Variants in MOB1B observed in about 807,000 individuals in gnomAD.
MOB1B encodes MOB1 Mps One Binder homolog B.
In MOB1B, 19 loss-of-function variants were observed where a neutral mutation model predicts 24.4. The ratio of observed to expected loss-of-function variants is 0.78; its 90% confidence interval spans 0.54 to 1.14. The LOEUF is 1.14. MOB1B is among the 50% of genes most tolerant of loss of function. MOB1B has a pLI of 0.00. For missense variants in MOB1B, 243 were observed against 259.6 expected (o/e 0.94, Z 0.44); for synonymous variants, 76 against 82.1 (o/e 0.93, Z 0.40).
At chr4:70,957,616 T>G (rs1560655115) in intron 1 of MOB1B, among the ~76,000 whole-genome samples, 1 of 151,982 alleles carries the variant, frequency 6.6e-6, no homozygotes, top group Non-Finnish European at 1.5e-5. Flanking sequence ...TTTTTAAACA[T>G]TTTTTTAGAG....
At chr4:70,937,514 C>G (rs1398969142) in intron 1 of MOB1B, among the ~76,000 whole-genome samples, 1 of 149,702 alleles carries the variant, frequency 6.7e-6, no homozygotes, top group African/African-American at 2.5e-5. Context: ...CGTTTCCCAT[C>G]TGTTTTTTTT....
intron 1 of MOB1B, among the ~76,000 whole-genome samples, chr4:70,917,336 T>C (rs886715610): frequency 1.3e-5 from 2 of 152,340 alleles, no homozygotes; most frequent in Admixed American, 6.5e-5. Context: ...AACAGACTCC[T>C]TTTCCATTAT....
intron 1 of MOB1B, among the ~76,000 whole-genome samples, chr4:70,957,311 C>CT (rs1560654938): frequency 6.7e-6 from 1 of 149,140 alleles, no homozygotes; most frequent in South Asian, 2.1e-4. Flanking sequence ...TCTCCAGCCT[C>CT]TTTTTTTCCA....
At chr4:70,910,515 A>G (rs1735938302) in intron 1 of MOB1B, among the ~76,000 whole-genome samples, 1 of 151,732 alleles carries the variant, frequency 6.6e-6, no homozygotes, top group Admixed American at 6.6e-5. Context: ...GGGCCTTGTT[A>G]TTAAGGGAAG....
intron 1 of MOB1B, among the ~76,000 whole-genome samples, chr4:70,928,820 T>G (rs974770732): frequency 1.3e-5 from 2 of 152,216 alleles, no homozygotes; most frequent in Admixed American, 6.5e-5. Flanking sequence ...ACTCCTAGGT[T>G]CAAGTGATCC....
intron 1 of MOB1B, among the ~76,000 whole-genome samples, chr4:70,903,159 GC>G (rs1360327955): frequency 6.6e-6 from 1 of 152,124 alleles, no homozygotes; most frequent in African/African-American, 2.4e-5. Context: ...GTCTGGAGCC[GC>G]CCCCTTGCTT....
Position 70,975,206 on chromosome 4 carries a change from C to G in MOB1B, c.329C>G (p.Ser110Cys). The part of the protein sequence containing the change: ...GTNIKKPIKC[S>C]APKYIDYLMT... Reference sequence around the variant, plus strand: ...AACATAAAGAAACCTATTAAGTGCTCTGCACCAAAGTATATTGATTACTTG... The same window carrying G: ...AACATAAAGAAACCTATTAAGTGCTGTGCACCAAAGTATATTGATTACTTG... Residue 110 changes from serine to cysteine, a missense_variant, in exon 4 of 6, where the codon TCT becomes TGT. Transcript: ENST00000309395. The G allele has an allele frequency of 6.2e-7, 1 of 1,613,162 alleles. No homozygotes were observed. The highest frequency in any genetic ancestry group is 8.5e-7 in the Non-Finnish European group (1 of 1,179,530).
chr4:70,964,223 A>G (rs529650504), intron 2 of MOB1B, among the ~76,000 whole-genome samples: 66 of 152,350 alleles, frequency 4.3e-4, no homozygotes, highest in African/African-American at 1.6e-3. Context: ...GTGCAGAAGA[A>G]AAAATTGGTA....
intron 1 of MOB1B, among the ~76,000 whole-genome samples, chr4:70,957,717 TA>T (rs1172520411): frequency 6.6e-6 from 1 of 151,732 alleles, no homozygotes; most frequent in Non-Finnish European, 1.5e-5. Flanking sequence ...TAGCTGGGAT[TA>T]CCAGTGTAAG....
intron 2 of MOB1B, among the ~76,000 whole-genome samples, chr4:70,967,318 G>T (rs1208742094): frequency 6.6e-6 from 1 of 152,088 alleles, no homozygotes; most frequent in Non-Finnish European, 1.5e-5. Context: ...TATTTCAGTA[G>T]ACATAGGGTT....
At chr4:70,924,435 C>G (rs1175232004) in intron 1 of MOB1B, among the ~76,000 whole-genome samples, 4 of 152,164 alleles carry the variant, frequency 2.6e-5, no homozygotes, top group African/African-American at 9.7e-5. Context: ...GCCCTTTAAT[C>G]TTCATCAGTG....
intron 2 of MOB1B, among the ~76,000 whole-genome samples, chr4:70,965,796 CAAAAAAAAAAAAAAAA>C (rs71211986): frequency 3.5e-5 from 1 of 28,704 alleles, no homozygotes; most frequent in Non-Finnish European, 8.8e-5. Context: ...GACTCCGTCT[CAAAAAAAAAAAAAAAA>C]AAAAAAAAAA....
intron 3 of MOB1B, among the ~76,000 whole-genome samples, chr4:70,973,915 C>T (rs1436707604): frequency 5.3e-5 from 8 of 152,156 alleles, no homozygotes; most frequent in African/African-American, 1.9e-4. Context: ...GTTTAAAATA[C>T]CCTATAGTAT....
At chr4:70,940,215 A>C (rs1023111870) in intron 1 of MOB1B, among the ~76,000 whole-genome samples, 1 of 151,978 alleles carries the variant, frequency 6.6e-6, no homozygotes, top group Non-Finnish European at 1.5e-5. Context: ...GGTGGTCTTG[A>C]GAAATGCAGC....
intron 1 of MOB1B, among the ~76,000 whole-genome samples, chr4:70,925,236 C>T (rs889758023): frequency 6.6e-6 from 1 of 152,074 alleles, no homozygotes; most frequent in Non-Finnish European, 1.5e-5. Flanking sequence ...GGGGTTTCAC[C>T]ATATTGGCCA....
intron 1 of MOB1B, among the ~76,000 whole-genome samples, chr4:70,913,238 T>C (rs770714131): frequency 1.3e-5 from 2 of 152,112 alleles, no homozygotes; most frequent in Non-Finnish European, 2.9e-5. Context: ...ATGTTTTTCT[T>C]TTCTTATGTA....
chr4:70,906,778 AC>A (rs1466643384), intron 1 of MOB1B, among the ~76,000 whole-genome samples: 1 of 152,180 alleles, frequency 6.6e-6, no homozygotes, highest in Non-Finnish European at 1.5e-5. Flanking sequence ...CATGGTAGAT[AC>A]GGAAACTTCA....
intron 1 of MOB1B, among the ~76,000 whole-genome samples, chr4:70,951,027 A>G (rs982594461): frequency 6.6e-6 from 1 of 152,212 alleles, no homozygotes; most frequent in Non-Finnish European, 1.5e-5. Context: ...GTTGGCACAA[A>G]TACATGATTT....
intron 4 of MOB1B, among the ~76,000 whole-genome samples, chr4:70,978,577 T>G (rs1390858500): frequency 6.6e-6 from 1 of 152,216 alleles, no homozygotes; most frequent in Non-Finnish European, 1.5e-5. Flanking sequence ...TCCACAGGGA[T>G]TTTCTATTTT....
Sources: gnomAD v4.1 joint callset for allele counts (sites outside exome capture counted in the v4.1 genomes callset) on GRCh38, gnomAD v4.1.1 for gene constraint, MANE v1.5 for transcripts, NCBI Gene and HGNC (gene_info 2026-07-23, HGNC 2026-07-21) for gene names.